The following CDKL5 variants were observed in gnomAD, a reference collection of about 807,000 sequenced individuals.
The protein encoded by CDKL5 is cyclin dependent kinase like 5, also known as cyclin-dependent kinase-like 5.
In CDKL5, 8 loss-of-function variants were observed where a neutral mutation model predicts 61.7. That is an observed-to-expected ratio of 0.13 (90% CI 0.08 to 0.23). The LOEUF (loss-of-function observed/expected upper bound fraction) is 0.23, where lower values mean the gene tolerates loss of function less well. CDKL5 is among the 10% of genes least tolerant of loss of function. The probability of loss-of-function intolerance (pLI) is 1.00; values close to 1 mark genes in which losing one functional copy is unlikely to be tolerated. For synonymous variants in CDKL5, 275 were observed against 272.3 expected (o/e 1.01, Z -0.10); for missense variants, 440 against 734.5 (o/e 0.60, Z 4.63).
intron 1 of CDKL5, among the ~76,000 whole-genome samples, chrX:18,459,698 CTTTTTTTT>C (rs756249968): frequency 1.9e-5 from 1 of 53,575 alleles, no homozygotes; most frequent in African/African-American, 7.7e-5. Flanking sequence ...AGCTTTCTTT[CTTTTTTTT>C]TTTTTTTTTT....
At chrX:18,464,623 G>A (rs985330185) in intron 1 of CDKL5, among the ~76,000 whole-genome samples, 1 of 111,154 alleles carries the variant, frequency 9.0e-6, no homozygotes, top group Non-Finnish European at 1.9e-5. Flanking sequence ...CACTTCATAA[G>A]GTATAGGAGA....
intron 21 of CDKL5, chrX:18,653,329 A>T: frequency 1.7e-6 from 2 of 1,154,203 alleles, no homozygotes; most frequent in Non-Finnish European, 2.3e-6. Flanking sequence ...GCCAGAATGC[A>T]TGTGGCCTTC....
At chrX:18,574,617 T>C (rs139313551) in intron 4 of CDKL5, among the ~76,000 whole-genome samples, 1,251 of 111,652 alleles carry the variant, frequency 0.011, 13 homozygotes, top group African/African-American at 0.038. Context: ...ATGAATGAAG[T>C]TGATGGTATG....
At chrX:18,469,081 A>G (rs1602208760) in intron 1 of CDKL5, among the ~76,000 whole-genome samples, 2 of 109,152 alleles carry the variant, frequency 1.8e-5, no homozygotes, top group South Asian at 4.0e-4. Flanking sequence ...GCTAACGCCT[A>G]TAATTGCAGC....
In CDKL5 at chrX:18,634,610, T is replaced by C. The variant is rs190251372; in HGVS notation, c.*5853T>C. ...ACCTGTTTTCTCTAGAGACACACAA[T>C]GATTCTGGCCCTCAGTCTGTTTCCC... On this transcript the variant is annotated 3_prime_UTR_variant, in exon 18 of 18. Transcript: ENST00000623535. The C allele has an allele frequency of 3.7e-3, 2,759 of 752,304 alleles. 3 individuals are homozygous for C. Among genetic ancestry groups the C allele is most frequent in the Non-Finnish European group, 4.1e-3 (2,596 of 638,941 alleles). The allele number at this position is 752,304 out of a possible 1,213,427, so 62.0% of individuals were successfully genotyped here.
At chrX:18,463,524 C>T (rs1243631427) in intron 1 of CDKL5, among the ~76,000 whole-genome samples, 1 of 112,080 alleles carries the variant, frequency 8.9e-6, no homozygotes, top group Non-Finnish European at 1.9e-5. Context: ...AATTTGAATA[C>T]GTTAGTGTTC....
intron 8 of CDKL5, among the ~76,000 whole-genome samples, chrX:18,587,219 G>A (rs1483227128): frequency 9.0e-6 from 1 of 111,015 alleles, no homozygotes; most frequent in African/African-American, 3.3e-5. Context: ...ATATAAAGCT[G>A]TTTTGAGGAT....
At chrX:18,485,756 A>G (rs946149801) in intron 1 of CDKL5, among the ~76,000 whole-genome samples, 1 of 111,891 alleles carries the variant, frequency 8.9e-6, no homozygotes, top group Non-Finnish European at 1.9e-5. Flanking sequence ...CTTTCTCCTG[A>G]TTTCTTAGGT....
At chrX:18,460,968 T>A in intron 1 of CDKL5, among the ~76,000 whole-genome samples, 1 of 112,300 alleles carries the variant, frequency 8.9e-6, no homozygotes, top group East Asian at 2.8e-4. Flanking sequence ...ACGATGGAAA[T>A]ATTTTGGTGA....
chrX:18,568,500 A>G (rs1925040289), intron 4 of CDKL5, among the ~76,000 whole-genome samples: 1 of 112,247 alleles, frequency 8.9e-6, no homozygotes, highest in Admixed American at 9.4e-5. Flanking sequence ...TTATAGTAGT[A>G]ACTAATATGC....
intron 4 of CDKL5, among the ~76,000 whole-genome samples, chrX:18,569,720 AC>A (rs773223711): frequency 5.1e-4 from 57 of 111,585 alleles, no homozygotes; most frequent in African/African-American, 1.7e-3. Flanking sequence ...TTTATTTTTG[AC>A]ATACATTTGG....
At chrX:18,608,287 G>A (rs192416002) in intron 12 of CDKL5, among the ~76,000 whole-genome samples, 21 of 112,040 alleles carry the variant, frequency 1.9e-4, no homozygotes, top group Non-Finnish European at 3.4e-4. Flanking sequence ...ATAAACTATA[G>A]TAGTTAAGAG....
intron 1 of CDKL5, among the ~76,000 whole-genome samples, chrX:18,485,808 A>G (rs1336130374): frequency 8.9e-6 from 1 of 111,967 alleles, no homozygotes; most frequent in Non-Finnish European, 1.9e-5. Flanking sequence ...TTGGTTTGGT[A>G]ACTTGGAACC....
At chrX:18,548,065 T>C (rs1006768365) in intron 3 of CDKL5, among the ~76,000 whole-genome samples, 7 of 110,424 alleles carry the variant, frequency 6.3e-5, no homozygotes, top group African/African-American at 2.3e-4. Context: ...ATTTTTTGTT[T>C]TTTAGATAGG....
rs1927297560 is a variant in CDKL5 at position 18,633,697 on chromosome X, C to CA, written c.*4940_*4941insA. The CA allele has an allele frequency of 1.7e-6, 1 of 594,931 alleles. No homozygotes were observed. Among genetic ancestry groups the CA allele is most frequent in the African/African-American group, 2.6e-5 (1 of 39,125 alleles). The allele number at this position is 594,931 out of a possible 1,213,427, so 49.0% of individuals were successfully genotyped here. ...TCTGGGCCTGCTGCCCCCTTCGATT[C>CA]TTTTTTTTTTTCTTTGTGAATTGAA... On this transcript the variant is annotated 3_prime_UTR_variant, in exon 18 of 18. Transcript: ENST00000623535.
intron 3 of CDKL5, among the ~76,000 whole-genome samples, chrX:18,541,876 T>G (rs915898165): frequency 3.6e-5 from 4 of 111,458 alleles, no homozygotes; most frequent in African/African-American, 9.8e-5. Context: ...TATTTTCTTA[T>G]TTGGTTCAAG....
chrX:18,468,519 T>C (rs1436122536), intron 1 of CDKL5, among the ~76,000 whole-genome samples: 1 of 112,173 alleles, frequency 8.9e-6, no homozygotes, highest in Non-Finnish European at 1.9e-5. Flanking sequence ...GGTGGGCCTT[T>C]AGTAAGCGTA....
intron 1 of CDKL5, among the ~76,000 whole-genome samples, chrX:18,471,510 C>T (rs1047733539): frequency 1.2e-4 from 13 of 110,292 alleles, no homozygotes; most frequent in Admixed American, 9.7e-5. Flanking sequence ...GTGGCTGGGA[C>T]TACAGGCTTG....
At chrX:18,522,335 CTTT>C (rs369618121) in intron 3 of CDKL5, among the ~76,000 whole-genome samples, 69 of 37,426 alleles carry the variant, frequency 1.8e-3, no homozygotes, top group Middle Eastern at 0.023. Context: ...CAGGCTGGAG[CTTT>C]TTTTTTTTTT....
Sources: allele counts gnomAD v4.1 joint callset (sites outside exome capture counted in the v4.1 genomes callset), GRCh38; gene constraint gnomAD v4.1.1; transcripts MANE v1.5; gene names NCBI Gene and HGNC (gene_info 2026-07-23, HGNC 2026-07-21).